The following COTL1 variants were observed in gnomAD, a reference collection of about 807,000 sequenced individuals.
COTL1 encodes the protein coactosin like F-actin binding protein 1.
A neutral mutation model predicts 16.5 loss-of-function variants in COTL1; 15 were observed. The ratio of observed to expected loss-of-function variants is 0.91; its 90% confidence interval spans 0.61 to 1.40. The LOEUF is 1.40. Ranked by LOEUF, COTL1 falls within the 40% of genes most tolerant of loss-of-function variation. COTL1 has a pLI of 0.00. For missense variants in COTL1, 220 were observed against 201.5 expected (o/e 1.09, Z -0.56); for synonymous variants, 112 against 85.3 (o/e 1.31, Z -1.73).
chr16:84,573,397 A>G (rs1400164127), intron 3 of COTL1, among the ~76,000 whole-genome samples: 1 of 152,252 alleles, frequency 6.6e-6, no homozygotes, highest in African/African-American at 2.4e-5. Flanking sequence ...TGAATCGCAG[A>G]GCATTAGAGC....
chr16:84,600,966 A>C (rs1905095907), intron 2 of COTL1, among the ~76,000 whole-genome samples: 1 of 152,150 alleles, frequency 6.6e-6, no homozygotes, highest in African/African-American at 2.4e-5. Context: ...CTACTTCCTT[A>C]AATGGGAGTT....
chr16:84,612,573 A>G (rs1905356115), intron 2 of COTL1, among the ~76,000 whole-genome samples: 1 of 152,138 alleles, frequency 6.6e-6, no homozygotes, highest in Non-Finnish European at 1.5e-5. Context: ...ACCTGAGGTC[A>G]GGAGTTTGAG....
intron 3 of COTL1, among the ~76,000 whole-genome samples, chr16:84,587,778 A>T (rs7200054): frequency 0.49 from 73,829 of 151,526 alleles, 18,572 homozygotes; most frequent in East Asian, 0.77. Flanking sequence ...ATCATTATTT[A>T]TTTATTTATT....
At chr16:84,600,548 G>A (rs115459280) in intron 2 of COTL1, among the ~76,000 whole-genome samples, 1,728 of 152,252 alleles carry the variant, frequency 0.011, 32 homozygotes, top group African/African-American at 0.039. Flanking sequence ...CCTGACCTCA[G>A]GTGAACTGCC....
intron 2 of COTL1, among the ~76,000 whole-genome samples, chr16:84,605,381 C>T (rs1035158242): frequency 2.6e-5 from 4 of 152,228 alleles, no homozygotes; most frequent in Non-Finnish European, 5.9e-5. Flanking sequence ...TAAATGAAAT[C>T]ACAAGTGACT....
chr16:84,610,712 G>C (rs1192964097), intron 2 of COTL1, among the ~76,000 whole-genome samples: 1 of 151,992 alleles, frequency 6.6e-6, no homozygotes, highest in African/African-American at 2.4e-5. Context: ...TTCCCCCAAA[G>C]GAGGGAATGC....
At chr16:84,606,916 C>T (rs10871287) in intron 2 of COTL1, among the ~76,000 whole-genome samples, 94,909 of 152,026 alleles carry the variant, frequency 0.62, 30,365 homozygotes, top group African/African-American at 0.78. Flanking sequence ...CCAGGCATTA[C>T]GGGTTCTCTT....
At chr16:84,579,423 G>T (rs368959705) in intron 3 of COTL1, among the ~76,000 whole-genome samples, 1 of 152,284 alleles carries the variant, frequency 6.6e-6, no homozygotes, top group East Asian at 1.9e-4. Flanking sequence ...CGAGGCAGAG[G>T]TTGCTGTGAG....
intron 2 of COTL1, among the ~76,000 whole-genome samples, chr16:84,598,363 AGGTAG>A (rs1302014125): frequency 1.3e-5 from 2 of 152,198 alleles, no homozygotes; most frequent in Non-Finnish European, 2.9e-5. Context: ...AGGGCCCTGA[AGGTAG>A]GTAAAGGGAG....
At position 84,617,546 on chromosome 16, in the gene COTL1, C is replaced by G. The variant is rs1206699629; in HGVS notation, c.115G>C (p.Gly39Arg). ...FKYDGSTIVPGEQGAEYQHFI... is the reference protein window; with the variant it reads ...FKYDGSTIVPREQGAEYQHFI... The stretch of plus-strand genomic sequence containing the variant: ...TGCTGGTACTCCGCTCCCTGCTCGC[C>G]GGGGACGATGGTGGAGCCGTCATAT... Residue 39 changes from glycine (G) to arginine (R), a missense_variant, in exon 2 of 4, where the codon GGC (glycine) becomes CGC (arginine). Transcript: ENST00000262428. 1.3e-6 allele frequency: 2 copies of G among 1,558,394 alleles called. No individual in the cohort carries two copies. Among genetic ancestry groups the G allele is most frequent in the Non-Finnish European group, 1.7e-6 (2 of 1,150,546 alleles).
chr16:84,570,573 C>A (rs543541864), intron 3 of COTL1, among the ~76,000 whole-genome samples: 1 of 150,984 alleles, frequency 6.6e-6, no homozygotes. Flanking sequence ...GTTATACAAA[C>A]AAAAGTATAT....
At chr16:84,591,394 A>G (rs192196745) in intron 2 of COTL1, among the ~76,000 whole-genome samples, 2 of 151,870 alleles carry the variant, frequency 1.3e-5, no homozygotes, top group Admixed American at 6.5e-5. Flanking sequence ...TGTGTTAGCC[A>G]GGATGAATCT....
At chr16:84,601,837 G>A (rs1905111000) in intron 2 of COTL1, among the ~76,000 whole-genome samples, 2 of 152,140 alleles carry the variant, frequency 1.3e-5, no homozygotes, top group South Asian at 4.1e-4. Context: ...AATTTGAGAG[G>A]GAGATTGTGA....
chr16:84,608,538 A>G (rs1380251342), intron 2 of COTL1, among the ~76,000 whole-genome samples: 1 of 152,244 alleles, frequency 6.6e-6, no homozygotes, highest in Admixed American at 6.5e-5. Flanking sequence ...GTGGGCAAAG[A>G]AGGCAATGGG....
intron 3 of COTL1, chr16:84,568,396 C>G (rs191966900): frequency 3.3e-5 from 5 of 152,280 alleles, no homozygotes; most frequent in African/African-American, 9.6e-5. Context: ...GGAAGCAACC[C>G]CTATGTCCAT....
At chr16:84,603,737 G>A (rs553980495) in intron 2 of COTL1, among the ~76,000 whole-genome samples, 1 of 152,220 alleles carries the variant, frequency 6.6e-6, no homozygotes, top group South Asian at 2.1e-4. Context: ...CAGGGCCTGT[G>A]GGGTTGGCGC....
At chr16:84,608,594 C>A (rs1396328270) in intron 2 of COTL1, among the ~76,000 whole-genome samples, 1 of 152,204 alleles carries the variant, frequency 6.6e-6, no homozygotes, top group African/African-American at 2.4e-5. Context: ...TTTCGCAGCC[C>A]TTCAGGGTAC....
chr16:84,592,941 A>T (rs1904906961), intron 2 of COTL1, among the ~76,000 whole-genome samples: 1 of 152,242 alleles, frequency 6.6e-6, no homozygotes, highest in Non-Finnish European at 1.5e-5. Context: ...CTTAAAGGAA[A>T]CTGATCGTCA....
intron 3 of COTL1, among the ~76,000 whole-genome samples, chr16:84,585,665 G>A (rs1163515717): frequency 6.6e-6 from 1 of 152,186 alleles, no homozygotes; most frequent in African/African-American, 2.4e-5. Context: ...GTGAAGCAGA[G>A]GGGAAGTTGA....
Sources: allele counts gnomAD v4.1 joint callset (sites outside exome capture counted in the v4.1 genomes callset), GRCh38; gene constraint gnomAD v4.1.1; transcripts MANE v1.5; gene names NCBI Gene and HGNC (gene_info 2026-07-23, HGNC 2026-07-21).